CDYL2: variants seen among roughly 807,000 people sequenced by gnomAD.
The protein encoded by CDYL2 is chromodomain Y-like protein 2.
A neutral mutation model predicts 49.4 loss-of-function variants in CDYL2; 23 were observed. The observed-to-expected ratio is 0.47, with a 90% CI of 0.34 to 0.66. CDYL2 has a LOEUF of 0.66. Ranked by LOEUF, CDYL2 falls within the 30% of genes least tolerant of loss-of-function variation. The probability of loss-of-function intolerance (pLI) is 0.01; values close to 1 mark genes in which losing one functional copy is unlikely to be tolerated. For synonymous variants in CDYL2, 360 were observed against 268.8 expected, an observed-to-expected ratio of 1.34 and a Z score of -3.32; for missense variants, 678 against 656.4, an observed-to-expected ratio of 1.03 and a Z score of -0.36.
chr16:80,691,949 A>G (rs1480307203), intron 1 of CDYL2, among the ~76,000 whole-genome samples: 1 of 152,204 alleles, frequency 6.6e-6, no homozygotes. Context: ...ACATGCGGGA[A>G]ATCACACCAG....
At chr16:80,732,346 T>C (rs1329210654) in intron 1 of CDYL2, among the ~76,000 whole-genome samples, 5 of 152,178 alleles carry the variant, frequency 3.3e-5, no homozygotes, top group Non-Finnish European at 7.3e-5. Flanking sequence ...GGTATGTCCC[T>C]TGCATAAAAA....
intron 2 of CDYL2, among the ~76,000 whole-genome samples, chr16:80,666,277 T>C (rs1387106061): frequency 6.6e-6 from 1 of 152,194 alleles, no homozygotes; most frequent in Non-Finnish European, 1.5e-5. Flanking sequence ...GAGAGCAATT[T>C]TAAAGGTGAA....
chr16:80,638,134 C>T (rs1163317202), intron 2 of CDYL2, among the ~76,000 whole-genome samples: 1 of 151,922 alleles, frequency 6.6e-6, no homozygotes, highest in Non-Finnish European at 1.5e-5. Flanking sequence ...GAGTACAGTG[C>T]TGCTATCACA....
intron 1 of CDYL2, among the ~76,000 whole-genome samples, chr16:80,717,166 G>C (rs1904839920): frequency 6.8e-6 from 1 of 147,980 alleles, no homozygotes; most frequent in Non-Finnish European, 1.5e-5. Context: ...TGGATGGATG[G>C]ATGGATGGAT....
intron 2 of CDYL2, 132 bp from the exon 3 acceptor site, chr16:80,633,368 C>A: frequency 1.2e-6 from 1 of 829,108 alleles, no homozygotes. Flanking sequence ...TCCCCTGTGC[C>A]ACCCTCTGTT....
At chr16:80,764,001 G>A (rs1402603949) in intron 1 of CDYL2, among the ~76,000 whole-genome samples, 1 of 151,918 alleles carries the variant, frequency 6.6e-6, no homozygotes, top group Non-Finnish European at 1.5e-5. Flanking sequence ...CCCAGGAAAA[G>A]CACTGGAGAA....
intron 1 of CDYL2, among the ~76,000 whole-genome samples, chr16:80,744,107 C>T (rs1428492983): frequency 6.6e-6 from 1 of 152,152 alleles, no homozygotes; most frequent in Non-Finnish European, 1.5e-5. Flanking sequence ...AATAAAGAAA[C>T]TGAAGCACAG....
chr16:80,800,627 C>A (rs1907896804), intron 1 of CDYL2, among the ~76,000 whole-genome samples: 1 of 151,924 alleles, frequency 6.6e-6, no homozygotes, highest in African/African-American at 2.4e-5. Context: ...AACTGAGCCA[C>A]CCCTACACAC....
intron 1 of CDYL2, among the ~76,000 whole-genome samples, chr16:80,713,864 G>T (rs1048176222): frequency 1.3e-5 from 2 of 152,254 alleles, no homozygotes; most frequent in South Asian, 4.2e-4. Flanking sequence ...CCCTCACGGA[G>T]AGACTACATG....
Position 80,645,377 on chromosome 16 carries a change from T to A in CDYL2, c.617-12141A>T, listed in dbSNP as rs138122540. Among the ~76,000 whole-genome samples, 294 of 152,184 alleles carry A rather than the reference T, an allele frequency of 1.9e-3. 1 individual carries two copies. Among genetic ancestry groups the A allele is most frequent in the African/African-American group, 6.9e-3 (287 of 41,504 alleles). ...GACATTTATGCAGCCAAAAGACATA[T>A]GAAAAAATGCTCATCATCACTGGCC... On this transcript the variant is annotated intron_variant, in intron 2 of 6. Transcript: ENST00000570137.
intron 1 of CDYL2, among the ~76,000 whole-genome samples, chr16:80,769,648 G>C (rs1325523718): frequency 6.6e-6 from 1 of 152,092 alleles, no homozygotes; most frequent in African/African-American, 2.4e-5. Context: ...TTCCTCCCCA[G>C]GCCGAAAGAT....
rs575823565 is a variant in CDYL2 at position 80,604,304 on chromosome 16, C to G, written c.*84G>C. On this transcript the variant is annotated 3_prime_UTR_variant, in exon 7 of 7. Transcript: ENST00000570137. ...ACGTATAAAGAGACACCTTGACAAACTCCTTGGCCGGGGCAGACACTGTGC... is the reference window on the plus strand; with the variant it reads ...ACGTATAAAGAGACACCTTGACAAAGTCCTTGGCCGGGGCAGACACTGTGC... The G allele has an allele frequency of 1.6e-5, 24 of 1,488,032 alleles. No homozygotes were observed. Among genetic ancestry groups the G allele is most frequent in the Non-Finnish European group, 2.2e-5 (24 of 1,078,536 alleles). 92.2% of individuals were successfully genotyped at this position (1,488,032 alleles called of 1,614,324 possible). A position where few individuals can be genotyped will look rare whatever the true frequency, so the allele number is the denominator to read the frequency against.
chr16:80,614,293 G>C (rs1319050344), intron 4 of CDYL2, among the ~76,000 whole-genome samples: 7 of 152,228 alleles, frequency 4.6e-5, no homozygotes, highest in African/African-American at 1.2e-4. Flanking sequence ...AAGTCACCAA[G>C]TGCTGGCCAA....
chr16:80,732,866 A>C (rs1402550094), intron 1 of CDYL2, among the ~76,000 whole-genome samples: 1 of 119,050 alleles, frequency 8.4e-6, no homozygotes, highest in Non-Finnish European at 2.2e-5. Context: ...TCTCTAAACA[A>C]GGGTCAAGTT....
At chr16:80,628,260 C>A (rs968074974) in intron 3 of CDYL2, 3 of 152,356 alleles carry the variant, frequency 2.0e-5, no homozygotes, top group South Asian at 2.1e-4. Flanking sequence ...GTAAATCCCA[C>A]CCTCAAGAGA....
chr16:80,618,545 G>A (rs1906934794), intron 4 of CDYL2, among the ~76,000 whole-genome samples: 1 of 152,164 alleles, frequency 6.6e-6, no homozygotes, highest in African/African-American at 2.4e-5. Flanking sequence ...TTCGGTGGGG[G>A]CTCTGGGGAA....
At chr16:80,761,840 T>C (rs777604153) in intron 1 of CDYL2, among the ~76,000 whole-genome samples, 1 of 133,460 alleles carries the variant, frequency 7.5e-6, no homozygotes, top group Non-Finnish European at 1.6e-5. Flanking sequence ...ATAATGCACA[T>C]AAAATAACAT....
At chr16:80,682,903 G>A (rs1413081131) in intron 2 of CDYL2, among the ~76,000 whole-genome samples, 4 of 152,178 alleles carry the variant, frequency 2.6e-5, no homozygotes, top group Non-Finnish European at 5.9e-5. Context: ...CAGGGATCCC[G>A]AGACGGAAAC....
chr16:80,660,776 G>A (rs1313542215), intron 2 of CDYL2, among the ~76,000 whole-genome samples: 4 of 152,158 alleles, frequency 2.6e-5, no homozygotes, highest in Admixed American at 2.6e-4. Context: ...AAGAGGGGAA[G>A]AAAAACTGCC....
Sources: allele counts gnomAD v4.1 joint callset (sites outside exome capture counted in the v4.1 genomes callset), GRCh38; gene constraint gnomAD v4.1.1; transcripts MANE v1.5; gene names NCBI Gene and HGNC (gene_info 2026-07-23, HGNC 2026-07-21).